GRK3: variants seen among roughly 807,000 people sequenced by gnomAD.
The protein encoded by GRK3 is G protein-coupled receptor kinase 3, also known as adrenergic, beta, receptor kinase 2.
GRK3 carries 54 observed loss-of-function variants against 95.7 expected under a neutral mutation model. The ratio of observed to expected loss-of-function variants is 0.56; its 90% confidence interval spans 0.45 to 0.71. The LOEUF (loss-of-function observed/expected upper bound fraction) is 0.71. Among genes scored for constraint, GRK3 ranks in the 30% least tolerant of loss-of-function variants. GRK3 has a pLI of 0.00. For synonymous variants in GRK3, 281 were observed against 290.8 expected (o/e 0.97, Z 0.34); for missense variants, 649 against 851.2 (o/e 0.76, Z 2.96).
rs770159698 is a variant in GRK3, at chr22:25,711,062, T to C, written c.1396-6T>C. 8.1e-6 allele frequency: 13 copies of C among 1,602,888 alleles called. No individual in the cohort carries two copies. The highest frequency in any genetic ancestry group is 1.1e-5 in the Non-Finnish European group (13 of 1,171,610). ...AAACTGTACCATGCTTGTTTGGATC[T>C]TCCAGTACCCACCACCCTTGATTCC... is the stretch of plus-strand genomic sequence containing the variant. On this transcript the variant is annotated splice_polypyrimidine_tract_variant and splice_region_variant and intron_variant, in intron 16 of 20. Transcript: ENST00000324198.
intron 2 of GRK3, among the ~76,000 whole-genome samples, chr22:25,641,406 A>G (rs1457432997): frequency 6.6e-6 from 1 of 151,806 alleles, no homozygotes. Context: ...CTCTCTCCTG[A>G]GCTCTGTCTT....
chr22:25,699,208 T>C lies in GRK3; in HGVS notation c.1160+3994T>C, dbSNP rs560097384. 2.2e-3 allele frequency among the ~76,000 whole-genome samples: 332 copies of C among 152,248 alleles called. 1 individual carries two copies. The highest frequency in any genetic ancestry group is 3.9e-3 in the Non-Finnish European group (266 of 68,012). ...TGCATGTGGGAGAACCTCAAAAATA[T>C]GCCTGTCAGCCTCCTGTGCATTTTT... On this transcript the variant is annotated intron_variant, in intron 13 of 20. Transcript: ENST00000324198.
At chr22:25,623,610 A>G (rs1331984246) in intron 2 of GRK3, among the ~76,000 whole-genome samples, 1 of 152,176 alleles carries the variant, frequency 6.6e-6, no homozygotes, top group Non-Finnish European at 1.5e-5. Context: ...GACCAGAAAA[A>G]CACAAACTAA....
At chr22:25,704,500 C>T (rs1166967278) in intron 15 of GRK3, among the ~76,000 whole-genome samples, 3 of 152,132 alleles carry the variant, frequency 2.0e-5, no homozygotes, top group Non-Finnish European at 4.4e-5. Flanking sequence ...ACCTCCACCT[C>T]CTAGGGTTCA....
At chr22:25,674,378 T>C in intron 7 of GRK3, 59 bp from the exon 8 acceptor site, 1 of 1,407,290 alleles carries the variant, frequency 7.1e-7, no homozygotes, top group South Asian at 1.2e-5. Context: ...TGAAAAAATC[T>C]TTAAAACACC....
In GRK3 at chr22:25,726,369, G is replaced by A. The variant is rs2085474096; in HGVS notation, c.*3919G>A. 6.6e-6 allele frequency: 1 copy of A among 152,202 alleles called. No homozygotes were observed. The highest frequency in any genetic ancestry group is 1.5e-5 in the Non-Finnish European group (1 of 68,044). The allele number at this position is 152,202 out of a possible 1,614,324, so 9.4% of individuals were successfully genotyped here. A position where few individuals can be genotyped will look rare whatever the true frequency, so the allele number is the denominator to read the frequency against. Reference sequence around the variant, plus strand: ...TAGCATGATGTAAACCTATAGAAATGCTTTGAAATGTGCTGGTGTAAGATA... The same window carrying A: ...TAGCATGATGTAAACCTATAGAAATACTTTGAAATGTGCTGGTGTAAGATA... On this transcript the variant is annotated 3_prime_UTR_variant, in exon 21 of 21. Transcript: ENST00000324198.
chr22:25,621,758 A>G (rs1331652953), intron 2 of GRK3, among the ~76,000 whole-genome samples: 2 of 152,206 alleles, frequency 1.3e-5, no homozygotes, highest in Non-Finnish European at 2.9e-5. Context: ...ATGGGTTTGT[A>G]TCCTCAAATA....
rs147839226 is a variant in GRK3 at position 25,638,544 on chromosome 22, G to T, written c.191-6048G>T. 5.0e-3 allele frequency among the ~76,000 whole-genome samples: 764 copies of T among 152,254 alleles called. 9 individuals carry two copies. Among genetic ancestry groups the T allele is most frequent in the Non-Finnish European group, 6.4e-3 (436 of 68,024 alleles). ...AGTTCTGTACCTGGTGGGATGACTT[G>T]AATCATTACTCCTAAAAGGTCTGGG... On this transcript the variant is annotated intron_variant, in intron 2 of 20. Transcript: ENST00000324198.
chr22:25,614,515 T>C (rs768676860), intron 2 of GRK3, among the ~76,000 whole-genome samples: 4 of 152,206 alleles, frequency 2.6e-5, no homozygotes, highest in Non-Finnish European at 5.9e-5. Context: ...TAGTCCATAA[T>C]TGGATTTACT....
chr22:25,585,153 A>G (rs1932256105), intron 1 of GRK3, among the ~76,000 whole-genome samples: 1 of 152,256 alleles, frequency 6.6e-6, no homozygotes, highest in African/African-American at 2.4e-5. Flanking sequence ...TAGGGCCTTC[A>G]CCTCTCGGCC....
At position 25,672,316 on chromosome 22, in the gene GRK3, G is replaced by A. The variant is rs1281889067; in HGVS notation, c.524G>A (p.Cys175Tyr). 2.0e-6 allele frequency: 3 copies of A among 1,475,974 alleles called. No individual in the cohort carries two copies. Among genetic ancestry groups the A allele is most frequent in the Non-Finnish European group, 1.9e-6 (2 of 1,071,436 alleles). 91.4% of individuals were successfully genotyped at this position (1,475,974 alleles called of 1,614,324 possible). A position where few individuals can be genotyped will look rare whatever the true frequency, so the allele number is the denominator to read the frequency against. The change falls in exon 7 of 21, where the codon TGT (cysteine) becomes TAT (tyrosine). Residue 175 changes from cysteine (C) to tyrosine (Y), a missense_variant. Around this residue, in one of 3 missense-constraint regions of GRK3, gnomAD observed 206 missense variants for 231.4 expected, o/e 0.89. Coordinates refer to ENST00000324198, the MANE Select transcript of GRK3 (RefSeq NM_005160.4). Reference sequence around the variant, plus strand: ...TTTAGTGACAAGTTCACTAGATTTTGTCAGTGGAAAAACGTTGAATTAAAT... The same window carrying A: ...TTTAGTGACAAGTTCACTAGATTTTATCAGTGGAAAAACGTTGAATTAAAT... The part of the protein sequence containing the change: ...FMESDKFTRF[C>Y]QWKNVELNIH...
intron 12 of GRK3, among the ~76,000 whole-genome samples, chr22:25,691,181 G>A (rs1423701833): frequency 6.6e-6 from 1 of 152,174 alleles, no homozygotes; most frequent in Non-Finnish European, 1.5e-5. Context: ...ACAGTTTGTG[G>A]AAAAGCAGAC....
intron 3 of GRK3, among the ~76,000 whole-genome samples, chr22:25,656,327 T>A (rs2084870652): frequency 6.6e-6 from 1 of 152,200 alleles, no homozygotes; most frequent in African/African-American, 2.4e-5. Flanking sequence ...TATTATTTTT[T>A]AAATTTTGAG....
intron 17 of GRK3, among the ~76,000 whole-genome samples, chr22:25,711,450 C>T (rs947481085): frequency 3.3e-5 from 5 of 152,180 alleles, no homozygotes; most frequent in Non-Finnish European, 7.4e-5. Context: ...GCAGGAAAAA[C>T]AGCTGTGTGA....
rs548701318 is a variant in GRK3 at position 25,632,049 on chromosome 22, A to G, written c.191-12543A>G. Among the ~76,000 whole-genome samples, 6 of 152,328 alleles carry G rather than the reference A, an allele frequency of 3.9e-5. No individual in the cohort carries two copies. The East Asian group carries it at 1.2e-3, about 29-fold the overall frequency. On this transcript the variant is annotated intron_variant, in intron 2 of 20. Coordinates refer to ENST00000324198, the MANE Select transcript of GRK3 (RefSeq NM_005160.4). ...CAGATTTCTATGTGACTATAAGAGC[A>G]TACATTTTTATTTCTCTTGGTAAAT... is the stretch of plus-strand genomic sequence containing the variant.
At chr22:25,589,342 C>T (rs560304598) in intron 1 of GRK3, among the ~76,000 whole-genome samples, 4 of 152,162 alleles carry the variant, frequency 2.6e-5, no homozygotes, top group East Asian at 1.9e-4. Flanking sequence ...ATTCTTGGCC[C>T]GTAGGGAGCA....
chr22:25,710,140 C>T (rs1222920272), intron 16 of GRK3, among the ~76,000 whole-genome samples, 176 bp downstream of exon 16: 2 of 152,132 alleles, frequency 1.3e-5, no homozygotes, highest in Non-Finnish European at 2.9e-5. Context: ...TCTTGTTACC[C>T]GAGAGTTACC....
chr22:25,672,298 A>G lies in GRK3; in HGVS notation c.506A>G (p.Asp169Gly). The change falls in exon 7 of 21, where the codon GAC becomes GGC. Residue 169 changes from aspartate (D) to glycine (G), a missense_variant and splice_region_variant. Physicochemically the swap from Asp to Gly is moderately conservative, Grantham distance 94. Around this residue, in one of 3 missense-constraint regions of GRK3, gnomAD observed 206 missense variants for 231.4 expected, o/e 0.89. Coordinates refer to ENST00000324198, the MANE Select transcript of GRK3 (RefSeq NM_005160.4). ...GDIFQKFMES[D>G]KFTRFCQWKN... ...GTAATTATTTTATTCTCTTTTAGTGACAAGTTCACTAGATTTTGTCAGTGG... is the reference window on the plus strand; with the variant it reads ...GTAATTATTTTATTCTCTTTTAGTGGCAAGTTCACTAGATTTTGTCAGTGG... 1 of 1,410,106 alleles carries G rather than the reference A, an allele frequency of 7.1e-7. No individual in the cohort carries two copies. Among genetic ancestry groups the G allele is most frequent in the African/African-American group, 1.4e-5 (1 of 70,384 alleles). The allele number at this position is 1,410,106 out of a possible 1,614,324, so 87.3% of individuals were successfully genotyped here. A position where few individuals can be genotyped will look rare whatever the true frequency, so the allele number is the denominator to read the frequency against.
intron 1 of GRK3, among the ~76,000 whole-genome samples, chr22:25,603,214 C>T (rs555355349): frequency 3.7e-4 from 57 of 152,180 alleles, no homozygotes; most frequent in African/African-American, 1.2e-3. Context: ...ACCTCGCCTA[C>T]CTAACAATAT....
Sources: gnomAD v4.1 joint callset for allele counts (sites outside exome capture counted in the v4.1 genomes callset) on GRCh38, gnomAD v4.1.1 for gene constraint, gnomAD v4.1.1 regional missense constraint, MANE v1.5 for transcripts, NCBI Gene and HGNC (gene_info 2026-07-23, HGNC 2026-07-21) for gene names.